CDKAL1: variants seen among roughly 807,000 people sequenced by gnomAD.
CDKAL1 encodes threonylcarbamoyladenosine tRNA methylthiotransferase.
Under a neutral mutation model 68.2 loss-of-function variants are expected in CDKAL1, and 32 were observed. That is an observed-to-expected ratio of 0.47 (90% CI 0.35 to 0.63). The LOEUF is 0.63. Ranked by LOEUF, CDKAL1 falls within the 30% of genes least tolerant of loss-of-function variation. The probability of loss-of-function intolerance (pLI) is 0.00; values close to 1 mark genes in which losing one functional copy is unlikely to be tolerated. For synonymous variants in CDKAL1, 234 were observed against 244.3 expected (o/e 0.96, Z 0.39); for missense variants, 606 against 696.7 (o/e 0.87, Z 1.47).
chr6:20,735,781 A>G (rs368407409), intron 5 of CDKAL1, among the ~76,000 whole-genome samples: 5 of 152,190 alleles, frequency 3.3e-5, no homozygotes, highest in Admixed American at 1.3e-4. Flanking sequence ...CATAATGGCT[A>G]TTACCCTGAT....
intron 4 of CDKAL1, among the ~76,000 whole-genome samples, chr6:20,572,380 C>G (rs904061918): frequency 6.6e-6 from 1 of 152,134 alleles, no homozygotes; most frequent in African/African-American, 2.4e-5. Context: ...CTGAAGTCGA[C>G]TTGGAGTGAC....
intron 9 of CDKAL1, among the ~76,000 whole-genome samples, chr6:20,853,908 C>T (rs1378968072): frequency 6.6e-6 from 1 of 152,144 alleles, no homozygotes; most frequent in African/African-American, 2.4e-5. Flanking sequence ...GGAGGGGCAA[C>T]ACAATCGTTG....
chr6:20,535,445 C>T (rs1763130046), intron 2 of CDKAL1, 51 bp downstream of exon 2: 1 of 152,294 alleles, frequency 6.6e-6, no homozygotes, highest in South Asian at 2.1e-4. Flanking sequence ...CGTATTTCTG[C>T]ATGTTAGAAA....
intron 5 of CDKAL1, among the ~76,000 whole-genome samples, chr6:20,665,961 A>G (rs1769522815): frequency 6.6e-6 from 1 of 151,998 alleles, no homozygotes; most frequent in South Asian, 2.1e-4. Flanking sequence ...CCCCCCAATT[A>G]GTATTATATC....
rs776785814 is a variant in CDKAL1, at chr6:21,231,014, C to CT, written c.1722dup (p.Val575CysfsTer5). On this transcript the variant is annotated frameshift_variant, in exon 16 of 16. Transcript: ENST00000274695. LOFTEE classifies it high-confidence loss of function. Reference sequence around the variant, plus strand: ...TTGGCTCTGCTGGGTCTTCTTTTTGCTTTTTTTGTCAAGGTCTATAATTAG... The same window carrying CT: ...TTGGCTCTGCTGGGTCTTCTTTTTGCTTTTTTTTGTCAAGGTCTATAATTAG... The CT allele has an allele frequency of 7.5e-6, 12 of 1,607,170 alleles. No homozygotes were observed. Among genetic ancestry groups the CT allele is most frequent in the South Asian group, 1.1e-5 (1 of 90,180 alleles).
At chr6:20,896,154 G>A (rs1040167217) in intron 9 of CDKAL1, among the ~76,000 whole-genome samples, 2 of 133,086 alleles carry the variant, frequency 1.5e-5, no homozygotes, top group African/African-American at 2.9e-5. Flanking sequence ...AGACTGGAGT[G>A]CAGTGGCGCG....
At position 20,599,276 on chromosome 6, in the gene CDKAL1, A is replaced by T. The variant is rs1488996087; in HGVS notation, c.287-50017A>T. On this transcript the variant is annotated intron_variant, in intron 4 of 15. Transcript: ENST00000274695. ...CAGAGATATTAAGTAATAGATAATA[A>T]GTGTTAGATGTCAGATAATAACTTG... 7.5e-6 allele frequency: 3 copies of T among 400,162 alleles called. No individual in the cohort carries two copies. In the Admixed American group the frequency reaches 9.2e-5, roughly 12 times the overall value. The allele number at this position is 400,162 out of a possible 1,614,324, so 24.8% of individuals were successfully genotyped here. A position where few individuals can be genotyped will look rare whatever the true frequency, so the allele number is the denominator to read the frequency against.
At chr6:20,637,820 G>A (rs1442018810) in intron 4 of CDKAL1, among the ~76,000 whole-genome samples, 1 of 152,066 alleles carries the variant, frequency 6.6e-6, no homozygotes, top group Non-Finnish European at 1.5e-5. Flanking sequence ...ACCAGCAAAT[G>A]TGATTATATA....
intron 7 of CDKAL1, among the ~76,000 whole-genome samples, chr6:20,769,257 C>CTTTTTTTT (rs371966986): frequency 8.7e-6 from 1 of 115,004 alleles, no homozygotes; most frequent in Non-Finnish European, 1.7e-5. Flanking sequence ...TTGTGATCAT[C>CTTTTTTTT]TTTTTTTTTT....
chr6:21,221,443 G>A (rs368398169), intron 15 of CDKAL1, among the ~76,000 whole-genome samples: 1 of 152,240 alleles, frequency 6.6e-6, no homozygotes, highest in East Asian at 1.9e-4. Flanking sequence ...GCCCAGGTTA[G>A]TGTAGAAGTC....
chr6:20,657,891 G>A (rs1769100530), intron 5 of CDKAL1, among the ~76,000 whole-genome samples: 1 of 152,148 alleles, frequency 6.6e-6, no homozygotes, highest in African/African-American at 2.4e-5. Flanking sequence ...AGCCCCCTGT[G>A]TTATGATGGC....
chr6:21,201,308 A>G (rs1246950429), intron 15 of CDKAL1, 34 bp downstream of exon 15: 2 of 1,549,290 alleles, frequency 1.3e-6, no homozygotes, highest in African/African-American at 2.7e-5. Flanking sequence ...CTACCCTGCT[A>G]GTAAAACAGC....
chr6:20,727,471 G>T (rs1343015396), intron 5 of CDKAL1, among the ~76,000 whole-genome samples: 1 of 152,154 alleles, frequency 6.6e-6, no homozygotes, highest in Non-Finnish European at 1.5e-5. Flanking sequence ...GTTAGACAAA[G>T]AAGAAAAGGT....
chr6:20,952,535 T>TGAGCTGGAA (rs1321085882), intron 9 of CDKAL1, among the ~76,000 whole-genome samples: 1 of 152,160 alleles, frequency 6.6e-6, no homozygotes, highest in Non-Finnish European at 1.5e-5. Flanking sequence ...ATATCTATCG[T>TGAGCTGGAA]GAGCTGGAAG....
At chr6:21,089,238 G>A (rs1772864728) in intron 12 of CDKAL1, among the ~76,000 whole-genome samples, 1 of 152,146 alleles carries the variant, frequency 6.6e-6, no homozygotes, top group Admixed American at 6.5e-5. Flanking sequence ...CACTTCGGGA[G>A]GCTGAGGTGG....
chr6:20,566,104 C>A (rs552521041), intron 4 of CDKAL1, among the ~76,000 whole-genome samples: 18 of 152,108 alleles, frequency 1.2e-4, no homozygotes, highest in African/African-American at 3.9e-4. Flanking sequence ...TCCATAATTC[C>A]AATTTTGGGT....
intron 8 of CDKAL1, among the ~76,000 whole-genome samples, chr6:20,806,983 T>C (rs998012013): frequency 1.3e-5 from 2 of 152,208 alleles, no homozygotes; most frequent in African/African-American, 4.8e-5. Flanking sequence ...GTTCATTGTA[T>C]TATTCGTCAC....
At chr6:21,047,481 G>A (rs1770306554) in intron 11 of CDKAL1, among the ~76,000 whole-genome samples, 1 of 152,178 alleles carries the variant, frequency 6.6e-6, no homozygotes, top group Non-Finnish European at 1.5e-5. Flanking sequence ...TGATCTCTGG[G>A]TGAATAAAGC....
chr6:20,603,150 G>A lies in CDKAL1; in HGVS notation c.287-46143G>A, dbSNP rs149824922. The stretch of plus-strand genomic sequence containing the variant: ...GGCAAGTACCAATAAAAGAATCACC[G>A]TGCAGACCTCTAGGATTTTAGAGCA... On this transcript the variant is annotated intron_variant, in intron 4 of 15. Coordinates refer to ENST00000274695, the MANE Select transcript of CDKAL1 (RefSeq NM_017774.3). 2.8e-3 allele frequency among the ~76,000 whole-genome samples: 430 copies of A among 152,188 alleles called. 4 individuals carry two copies. Among genetic ancestry groups the A allele is most frequent in the African/African-American group, 8.5e-3 (353 of 41,530 alleles).
Sources: gnomAD v4.1 joint callset for allele counts (sites outside exome capture counted in the v4.1 genomes callset) on GRCh38, gnomAD v4.1.1 for gene constraint, MANE v1.5 for transcripts, NCBI Gene and HGNC (gene_info 2026-07-23, HGNC 2026-07-21) for gene names.